ZFHX3: variants seen among roughly 807,000 people sequenced by gnomAD.
ZFHX3 encodes the protein zinc finger homeobox protein 3.
In ZFHX3, 42 loss-of-function variants were observed where a neutral mutation model predicts 279.1. The observed-to-expected ratio is 0.15, with a 90% confidence interval of 0.12 to 0.19. ZFHX3 has a LOEUF of 0.19. Ranked by LOEUF, ZFHX3 falls within the 10% of genes least tolerant of loss-of-function variation. The pLI is 1.00. For missense variants in ZFHX3, 4,981 were observed against 4,754.0 expected, an observed-to-expected ratio of 1.05 and a Z score of -1.40; for synonymous variants, 2,293 against 1,957.8, an observed-to-expected ratio of 1.17 and a Z score of -4.52.
intron 5 of ZFHX3, among the ~76,000 whole-genome samples, chr16:73,175,156 G>C (rs530042824): frequency 7.9e-5 from 12 of 152,196 alleles, no homozygotes; most frequent in African/African-American, 2.6e-4. Flanking sequence ...GAGGCGGGCG[G>C]ATTACTTGAG....
intron 3 of ZFHX3, among the ~76,000 whole-genome samples, chr16:72,919,686 T>C (rs1294000008): frequency 2.6e-5 from 4 of 151,410 alleles, no homozygotes; most frequent in African/African-American, 9.7e-5. Context: ...ATACCTCCAA[T>C]TTTACATAAA....
chr16:73,088,220 A>G (rs146233418), intron 8 of ZFHX3, among the ~76,000 whole-genome samples: 115 of 151,740 alleles, frequency 7.6e-4, no homozygotes, highest in Admixed American at 3.3e-3. Context: ...ATCATAGCTC[A>G]CTGCGGCCTC....
At chr16:73,676,070 ATAAC>A (rs1294173893) in intron 2 of ZFHX3, among the ~76,000 whole-genome samples, 12 of 152,112 alleles carry the variant, frequency 7.9e-5, no homozygotes, top group African/African-American at 2.9e-4. Flanking sequence ...AGATTTAAAA[ATAAC>A]TAAGAACTCA....
chr16:72,969,001 G>C (rs1961979780), intron 1 of ZFHX3, among the ~76,000 whole-genome samples: 1 of 152,040 alleles, frequency 6.6e-6, no homozygotes. Flanking sequence ...ATAAATATAT[G>C]AGATGTTACC....
At chr16:73,219,419 G>A (rs547334122) in intron 5 of ZFHX3, among the ~76,000 whole-genome samples, 87 of 152,276 alleles carry the variant, frequency 5.7e-4, no homozygotes, top group African/African-American at 2.0e-3. Context: ...TGGTTGGGCA[G>A]GCCAGAAATA....
At chr16:72,825,517 C>G (rs1482579459) in intron 5 of ZFHX3, among the ~76,000 whole-genome samples, 1 of 152,196 alleles carries the variant, frequency 6.6e-6, no homozygotes, top group Non-Finnish European at 1.5e-5. Context: ...GCTAGAGATT[C>G]TTACCTTCCT....
chr16:73,403,388 G>T (rs960057524), intron 3 of ZFHX3, among the ~76,000 whole-genome samples: 5 of 152,198 alleles, frequency 3.3e-5, no homozygotes, highest in African/African-American at 9.6e-5. Flanking sequence ...CAACCTGGAT[G>T]CATCAACATT....
chr16:73,750,192 C>G lies in ZFHX3; in HGVS notation c.-1607-69952G>C, dbSNP rs1001832603. On this transcript the variant is annotated intron_variant, in intron 1 of 17. Coordinates refer to the ZFHX3 transcript ENST00000641206. ...GTTTGGTAAGTTGCATTTGCAGAGTCCTTCCATAAAGGGAAGGCTGGATGG... is the reference window on the plus strand; with the variant it reads ...GTTTGGTAAGTTGCATTTGCAGAGTGCTTCCATAAAGGGAAGGCTGGATGG... Among the ~76,000 whole-genome samples the G allele has an allele frequency of 2.0e-5, 3 of 152,144 alleles. No homozygotes were observed. In the South Asian group the frequency reaches 6.2e-4, roughly 31 times the overall value.
intron 5 of ZFHX3, among the ~76,000 whole-genome samples, chr16:73,231,848 C>T (rs914578588): frequency 6.6e-6 from 1 of 152,208 alleles, no homozygotes. Flanking sequence ...CAAAGCCCTG[C>T]CTTGGAGGTA....
Position 73,115,871 on chromosome 16 carries a change from C to A in ZFHX3, c.-897+15097G>T, listed in dbSNP as rs1054694258. Among the ~76,000 whole-genome samples the A allele has an allele frequency of 2.0e-5, 3 of 152,300 alleles. No individual in the cohort carries two copies. In the Middle Eastern group the frequency reaches 0.01, roughly 518 times the overall value. ...CAGTGGCTCATGCCTGTAATCCCAG[C>A]ACTTTGGGAGGCCAAGGAGGATGGA... On this transcript the variant is annotated intron_variant, in intron 7 of 17. Transcript: ENST00000641206.
In ZFHX3 at chr16:72,797,004, C is replaced by T. The variant is rs534501327; in HGVS notation, c.5678G>A (p.Arg1893Lys). 13 of 1,613,994 alleles carry T rather than the reference C, an allele frequency of 8.1e-6. No individual in the cohort carries two copies. The African/African-American group carries it at 9.3e-5, about 12-fold the overall frequency. ...GCCCTCTCCCCCCTCGGCGCTGTCC[C>T]TCTCTCTCTGGCTTTCTTTTTCCTT... Reference protein sequence around the residue: ...KEKEKESQRERDSAEGGEGNT... With the variant: ...KEKEKESQREKDSAEGGEGNT... Residue 1893 changes from arginine to lysine, a missense_variant, in exon 9 of 10, where the codon AGG becomes AAG. Around this residue, in one of 7 missense-constraint regions of ZFHX3, gnomAD observed 1,751 missense variants for 1,770.0 expected, o/e 0.99. Coordinates refer to ENST00000268489, the MANE Select transcript of ZFHX3 (RefSeq NM_006885.4).
chr16:72,947,336 T>G (rs1363428928), intron 3 of ZFHX3, among the ~76,000 whole-genome samples: 1 of 152,194 alleles, frequency 6.6e-6, no homozygotes, highest in Non-Finnish European at 1.5e-5. Context: ...GACAATATCA[T>G]CAGGTTTTGT....
chr16:73,079,136 C>T (rs372604187), intron 8 of ZFHX3, among the ~76,000 whole-genome samples: 1 of 152,276 alleles, frequency 6.6e-6, no homozygotes, highest in East Asian at 1.9e-4. Context: ...CGACCAGGTC[C>T]TTCCAGTCCC....
chr16:73,836,263 T>C (rs2142363773), intron 1 of ZFHX3, among the ~76,000 whole-genome samples: 1 of 152,298 alleles, frequency 6.6e-6, no homozygotes, highest in East Asian at 1.9e-4. Context: ...CATGTGTTTG[T>C]CTGCAAAGTC....
intron 1 of ZFHX3, among the ~76,000 whole-genome samples, chr16:72,971,084 C>T (rs747907258): frequency 6.6e-6 from 1 of 152,286 alleles, no homozygotes; most frequent in African/African-American, 2.4e-5. Flanking sequence ...TTACCTACCT[C>T]GGATCACGCT....
chr16:72,880,039 G>T (rs1336819267), intron 4 of ZFHX3, among the ~76,000 whole-genome samples: 1 of 152,152 alleles, frequency 6.6e-6, no homozygotes, highest in Non-Finnish European at 1.5e-5. Context: ...TCCCCTTCCA[G>T]CGAGGTCGCA....
intron 1 of ZFHX3, among the ~76,000 whole-genome samples, chr16:73,878,213 G>A (rs1355265908): frequency 1.3e-5 from 2 of 152,010 alleles, no homozygotes; most frequent in Non-Finnish European, 2.9e-5. Flanking sequence ...AGGTTTAATG[G>A]TTTTAAATGA....
intron 1 of ZFHX3, among the ~76,000 whole-genome samples, chr16:73,793,390 A>G (rs184008557): frequency 2.0e-5 from 3 of 152,334 alleles, no homozygotes; most frequent in Admixed American, 2.0e-4. Context: ...GTCACGTGAG[A>G]CAATGAAAAG....
chr16:73,026,411 C>T (rs901690616), intron 1 of ZFHX3, among the ~76,000 whole-genome samples: 13 of 152,058 alleles, frequency 8.5e-5, no homozygotes, highest in Non-Finnish European at 7.4e-5. Context: ...GTGGCTCACG[C>T]CTGTAATCCC....
Sources: gnomAD v4.1 joint callset for allele counts (sites outside exome capture counted in the v4.1 genomes callset) on GRCh38, gnomAD v4.1.1 for gene constraint, gnomAD v4.1.1 regional missense constraint, MANE v1.5 for transcripts, NCBI Gene and HGNC (gene_info 2026-07-23, HGNC 2026-07-21) for gene names.